The following ANGPT1 variants were observed in gnomAD, a reference collection of about 807,000 sequenced individuals.
ANGPT1 encodes angiopoietin-1.
Under a neutral mutation model 62.2 loss-of-function variants are expected in ANGPT1, and 17 were observed. The observed-to-expected ratio is 0.27, with a 90% CI of 0.19 to 0.41. The LOEUF (loss-of-function observed/expected upper bound fraction) is 0.41. Among genes scored for constraint, ANGPT1 ranks in the 10% least tolerant of loss-of-function variants. The pLI is 1.00. For synonymous variants in ANGPT1, 199 were observed against 198.9 expected (o/e 1.00, Z 0.00); for missense variants, 478 against 594.9 (o/e 0.80, Z 2.04).
At chr8:107,373,012 T>C (rs1816447525) in intron 1 of ANGPT1, among the ~76,000 whole-genome samples, 2 of 152,262 alleles carry the variant, frequency 1.3e-5, no homozygotes, top group Admixed American at 6.5e-5. Flanking sequence ...ATTTACCTTA[T>C]TGTCATGCTA....
chr8:107,384,139 T>G (rs918085480), intron 1 of ANGPT1, among the ~76,000 whole-genome samples: 4 of 152,046 alleles, frequency 2.6e-5, no homozygotes, highest in Non-Finnish European at 5.9e-5. Context: ...GGATTTAAGG[T>G]TCAGCTTGCA....
At chr8:107,469,412 C>T (rs1284482481) in intron 1 of ANGPT1, among the ~76,000 whole-genome samples, 3 of 151,972 alleles carry the variant, frequency 2.0e-5, no homozygotes, top group Admixed American at 6.6e-5. Flanking sequence ...GTCTCTAGTG[C>T]TTTACCACAA....
intron 1 of ANGPT1, among the ~76,000 whole-genome samples, chr8:107,348,265 C>A (rs1230632641): frequency 6.6e-6 from 1 of 152,128 alleles, no homozygotes; most frequent in Non-Finnish European, 1.5e-5. Flanking sequence ...ATTTAGTGAA[C>A]CATAATACAT....
chr8:107,422,480 G>A (rs766677606), intron 1 of ANGPT1, among the ~76,000 whole-genome samples: 35 of 152,238 alleles, frequency 2.3e-4, no homozygotes, highest in South Asian at 6.2e-4. Context: ...ACATTTCTGG[G>A]ACCCATGATA....
At position 107,251,848 on chromosome 8, in the gene ANGPT1, T is replaced by C; in HGVS notation, c.*7A>G. 1 of 1,613,726 alleles carries C rather than the reference T, an allele frequency of 6.2e-7. No individual in the cohort carries two copies. Among genetic ancestry groups the C allele is most frequent in the Non-Finnish European group, 8.5e-7 (1 of 1,179,736 alleles). On this transcript the variant is annotated 3_prime_UTR_variant, in exon 9 of 9. Transcript: ENST00000517746. The stretch of plus-strand genomic sequence containing the variant: ...TTGCTTTCATAATCGCTTCTGACAT[T>C]GCGCTTTCAAAAATCTAAAGGTCGA...
intron 8 of ANGPT1, among the ~76,000 whole-genome samples, chr8:107,253,486 G>C (rs933030303): frequency 2.6e-5 from 4 of 152,112 alleles, no homozygotes; most frequent in African/African-American, 9.7e-5. Flanking sequence ...GATTGATTCT[G>C]TTTTTAACTT....
intron 1 of ANGPT1, among the ~76,000 whole-genome samples, chr8:107,419,478 C>A (rs1188944430): frequency 6.6e-6 from 1 of 152,176 alleles, no homozygotes; most frequent in Non-Finnish European, 1.5e-5. Flanking sequence ...GTCCTCCAAT[C>A]ACATTTTTCC....
chr8:107,284,371 T>G (rs1814087651), intron 7 of ANGPT1: 1 of 171,970 alleles, frequency 5.8e-6, no homozygotes, highest in African/African-American at 2.4e-5. Flanking sequence ...AGTATGAAAC[T>G]TATCAGTTTT....
At chr8:107,361,320 T>G (rs1014886939) in intron 1 of ANGPT1, among the ~76,000 whole-genome samples, 1 of 151,654 alleles carries the variant, frequency 6.6e-6, no homozygotes, top group African/African-American at 2.4e-5. Context: ...AAATTGAACC[T>G]CCTGAGCTGG....
At chr8:107,457,370 T>A (rs2130467983) in intron 1 of ANGPT1, among the ~76,000 whole-genome samples, 1 of 152,076 alleles carries the variant, frequency 6.6e-6, no homozygotes, top group South Asian at 2.1e-4. Flanking sequence ...AACAAAAGTA[T>A]CCTAAGGAAT....
At chr8:107,492,038 G>T (rs1054368838) in intron 1 of ANGPT1, among the ~76,000 whole-genome samples, 22 of 151,182 alleles carry the variant, frequency 1.5e-4, no homozygotes, top group African/African-American at 2.4e-5. Flanking sequence ...CTAACTTCTG[G>T]GTCTGAAAGG....
At chr8:107,437,222 T>C (rs1241801063) in intron 1 of ANGPT1, among the ~76,000 whole-genome samples, 1 of 152,206 alleles carries the variant, frequency 6.6e-6, no homozygotes, top group Non-Finnish European at 1.5e-5. Flanking sequence ...TTTTCTAATT[T>C]GAGATATGAA....
At chr8:107,357,597 A>T (rs900193511) in intron 1 of ANGPT1, among the ~76,000 whole-genome samples, 3 of 152,176 alleles carry the variant, frequency 2.0e-5, no homozygotes, top group African/African-American at 7.2e-5. Flanking sequence ...ATTTTCTGCA[A>T]ACCACACTTA....
rs1158912226 is a variant in ANGPT1, at chr8:107,322,114, T to C, written c.590A>G (p.Lys197Arg). 2.5e-6 allele frequency: 4 copies of C among 1,612,026 alleles called. No individual in the cohort carries two copies. In the South Asian group the frequency reaches 4.4e-5, roughly 18 times the overall value. Residue 197 changes from lysine (K) to arginine (R), a missense_variant, in exon 4 of 9, where the codon AAA becomes AGA. Around this residue, in one of 4 missense-constraint regions of ANGPT1, gnomAD observed 343 missense variants for 355.4 expected, o/e 0.97. Coordinates refer to ENST00000517746, the MANE Select transcript of ANGPT1 (RefSeq NM_001146.5). ...GTGTTTTCCTTCCATTTCTAAGATT[T>C]TATGTTCTAATAAACTACAAGGAAG... ...IHEKNSLLEH[K>R]ILEMEGKHKE... is the part of the protein sequence containing the mutation.
At chr8:107,296,147 T>C (rs1814409858) in intron 5 of ANGPT1, among the ~76,000 whole-genome samples, 1 of 152,050 alleles carries the variant, frequency 6.6e-6, no homozygotes. Context: ...TGCAATTACT[T>C]AAATAAGTAA....
intron 7 of ANGPT1, among the ~76,000 whole-genome samples, chr8:107,273,163 T>C (rs1462986013): frequency 6.6e-6 from 1 of 152,110 alleles, no homozygotes; most frequent in Admixed American, 6.6e-5. Flanking sequence ...GATTTTTCAG[T>C]CTAAACAAAT....
At chr8:107,258,126 T>C (rs1201086803) in intron 8 of ANGPT1, among the ~76,000 whole-genome samples, 1 of 151,936 alleles carries the variant, frequency 6.6e-6, no homozygotes, top group East Asian at 1.9e-4. Flanking sequence ...CATGTTTAAA[T>C]GAGGAAATGC....
chr8:107,475,381 A>G (rs994422266), intron 1 of ANGPT1, among the ~76,000 whole-genome samples: 1 of 152,218 alleles, frequency 6.6e-6, no homozygotes, highest in African/African-American at 2.4e-5. Context: ...CTGGCTAGCC[A>G]TATGTAGAAA....
chr8:107,447,148 A>G (rs946659093), intron 1 of ANGPT1, among the ~76,000 whole-genome samples: 2 of 152,164 alleles, frequency 1.3e-5, no homozygotes, highest in East Asian at 1.9e-4. Context: ...CCCTCACTGC[A>G]TTATTGTAAT....
Sources: allele counts gnomAD v4.1 joint callset (sites outside exome capture counted in the v4.1 genomes callset), GRCh38; gene constraint gnomAD v4.1.1; regional missense constraint gnomAD v4.1.1; transcripts MANE v1.5; gene names NCBI Gene and HGNC (gene_info 2026-07-23, HGNC 2026-07-21).